The following NXPE2 variants were observed in gnomAD, a reference collection of about 807,000 sequenced individuals.
The protein encoded by NXPE2 is NXPE family member 2.
NXPE2 carries 34 observed loss-of-function variants against 34.4 expected under a neutral mutation model. That is an observed-to-expected ratio of 0.99 (90% CI 0.75 to 1.31). The LOEUF (loss-of-function observed/expected upper bound fraction) is 1.31. Ranked by LOEUF, NXPE2 falls within the 40% of genes most tolerant of loss-of-function variation. The pLI is 0.00. For missense variants in NXPE2, 649 were observed against 672.5 expected (o/e 0.97, Z 0.39); for synonymous variants, 235 against 231.3 (o/e 1.02, Z -0.15).
the NXPE2 span, among the ~76,000 whole-genome samples, chr11:114,537,399 C>T: frequency 1.6e-3 from 248 of 152,264 alleles, 2 homozygotes; most frequent in South Asian, 5.2e-3. Context: ...ATCAACACTC[C>T]TATTCAACAT....
At chr11:114,811,403 A>G in the NXPE2 span, among the ~76,000 whole-genome samples, 2 of 152,088 alleles carry the variant, frequency 1.3e-5, no homozygotes, top group Non-Finnish European at 2.9e-5. Flanking sequence ...ACACAAAAAA[A>G]AGGTAGGGAT....
chr11:114,793,020 A>G, the NXPE2 span, among the ~76,000 whole-genome samples: 1 of 152,176 alleles, frequency 6.6e-6, no homozygotes, highest in Non-Finnish European at 1.5e-5. Context: ...CTGTGATTTT[A>G]AAAAGCACCT....
the NXPE2 span, among the ~76,000 whole-genome samples, chr11:114,663,606 T>TATC: frequency 3.1e-5 from 3 of 98,182 alleles, no homozygotes; most frequent in Non-Finnish European, 6.6e-5. Context: ...TCTATCTATC[T>TATC]ATCTATCTAT....
chr11:114,577,865 G>T, the NXPE2 span, among the ~76,000 whole-genome samples: 1 of 152,052 alleles, frequency 6.6e-6, no homozygotes, highest in Non-Finnish European at 1.5e-5. Flanking sequence ...CTTCACATAT[G>T]CTTGGGATAA....
intron 2 of NXPE2, among the ~76,000 whole-genome samples, chr11:114,695,830 A>AACAGACACACACACACAC (rs564407542): frequency 5.1e-4 from 67 of 132,536 alleles, no homozygotes; most frequent in Non-Finnish European, 8.3e-4. Flanking sequence ...GTCTCTACTA[A>AACAGACACACACACACAC]ACACACACAC....
the NXPE2 span, among the ~76,000 whole-genome samples, chr11:114,755,986 G>A: frequency 6.6e-6 from 1 of 152,148 alleles, no homozygotes; most frequent in African/African-American, 2.4e-5. Flanking sequence ...AAAATGGTGG[G>A]GATGAAAAGA....
At chr11:114,484,596 A>G in the NXPE2 span, among the ~76,000 whole-genome samples, 2 of 152,306 alleles carry the variant, frequency 1.3e-5, no homozygotes, top group African/African-American at 4.8e-5. Context: ...GGGATATTAG[A>G]AATCCCCGTT....
the NXPE2 span, among the ~76,000 whole-genome samples, chr11:114,494,587 T>C: frequency 2.6e-5 from 4 of 152,226 alleles, no homozygotes; most frequent in Non-Finnish European, 4.4e-5. Context: ...ATGTATCTGA[T>C]ATGATTCTGA....
At chr11:114,496,009 A>C in the NXPE2 span, among the ~76,000 whole-genome samples, 655 of 152,270 alleles carry the variant, frequency 4.3e-3, 6 homozygotes, top group African/African-American at 0.014. Context: ...TCTCCTGGCC[A>C]TAGCAGCTGG....
chr11:114,624,256 G>A, the NXPE2 span, among the ~76,000 whole-genome samples: 1 of 151,888 alleles, frequency 6.6e-6, no homozygotes, highest in African/African-American at 2.4e-5. Flanking sequence ...CTGTGACCCG[G>A]TGGATAATAA....
the NXPE2 span, among the ~76,000 whole-genome samples, chr11:114,759,621 G>A: frequency 3.3e-5 from 5 of 152,054 alleles, no homozygotes; most frequent in Non-Finnish European, 5.9e-5. Flanking sequence ...TAAACTATAC[G>A]CTATAAAATG....
chr11:114,753,705 A>C, the NXPE2 span, among the ~76,000 whole-genome samples: 1 of 152,238 alleles, frequency 6.6e-6, no homozygotes, highest in African/African-American at 2.4e-5. Flanking sequence ...GTTCCCTATG[A>C]ATAGTCATTG....
the NXPE2 span, among the ~76,000 whole-genome samples, chr11:114,531,388 C>G: frequency 8.3e-3 from 1,260 of 152,188 alleles, 23 homozygotes; most frequent in African/African-American, 0.029. Flanking sequence ...TTCAAGCCAC[C>G]GTCATTTATC....
chr11:114,718,732 A>G, the NXPE2 span, among the ~76,000 whole-genome samples: 1 of 152,154 alleles, frequency 6.6e-6, no homozygotes. Flanking sequence ...AATGTTTAAA[A>G]ACACATTGAA....
chr11:114,469,405 G>A, the NXPE2 span, among the ~76,000 whole-genome samples: 3 of 151,080 alleles, frequency 2.0e-5, no homozygotes, highest in South Asian at 2.1e-4. Context: ...GAGCCACCGC[G>A]CCTTGCCACA....
At chr11:114,530,155 T>C in the NXPE2 span, 1 of 1,571,524 alleles carries the variant, frequency 6.4e-7, no homozygotes. Flanking sequence ...CTTCTCAGTA[T>C]ACATGAAAAG....
upstream of NXPE2, among the ~76,000 whole-genome samples, chr11:114,675,696 C>T (rs990265887): frequency 2.6e-5 from 4 of 151,792 alleles, no homozygotes; most frequent in Non-Finnish European, 4.4e-5. Context: ...ACAGATTTAA[C>T]GTCATCTTTA....
chr11:114,489,067 A>G, the NXPE2 span, among the ~76,000 whole-genome samples: 2 of 152,250 alleles, frequency 1.3e-5, no homozygotes, highest in African/African-American at 4.8e-5. Flanking sequence ...ACCATCAGAG[A>G]ATACTATAAA....
At chr11:114,717,595 G>C in the NXPE2 span, among the ~76,000 whole-genome samples, 1 of 152,192 alleles carries the variant, frequency 6.6e-6, no homozygotes, top group Non-Finnish European at 1.5e-5. Context: ...TAACTTCCAT[G>C]AGTGTGTTTT....
Sources: gnomAD v4.1 joint callset for allele counts (sites outside exome capture counted in the v4.1 genomes callset) on GRCh38, gnomAD v4.1.1 for gene constraint, MANE v1.5 for transcripts, NCBI Gene and HGNC (gene_info 2026-07-23, HGNC 2026-07-21) for gene names.